SPATS2: variants seen among roughly 807,000 people sequenced by gnomAD.
SPATS2 encodes spermatogenesis-associated serine-rich protein 2.
Under a neutral mutation model 63.7 loss-of-function variants are expected in SPATS2, and 38 were observed. The observed-to-expected ratio is 0.60, with a 90% CI of 0.46 to 0.78. The LOEUF (loss-of-function observed/expected upper bound fraction) is 0.78. Among genes scored for constraint, SPATS2 ranks in the 30% least tolerant of loss-of-function variants. SPATS2 has a pLI of 0.00. For synonymous variants in SPATS2, 207 were observed against 232.9 expected, an observed-to-expected ratio of 0.89 and a Z score of 1.01; for missense variants, 588 against 666.2, an observed-to-expected ratio of 0.88 and a Z score of 1.29.
intron 2 of SPATS2, among the ~76,000 whole-genome samples, chr12:49,447,539 T>G (rs1592405620): frequency 1.3e-5 from 2 of 152,192 alleles, no homozygotes; most frequent in East Asian, 3.9e-4. Context: ...GCCCGGCCTG[T>G]TCTTCTATTT....
At position 49,464,446 on chromosome 12, in the gene SPATS2, C is replaced by T. The variant is rs145124018; in HGVS notation, c.25+3409C>T. On this transcript the variant is annotated intron_variant, in intron 3 of 13. Coordinates refer to ENST00000552918, the MANE Select transcript of SPATS2 (RefSeq NM_023071.4). ...ACTAGCCTAACCAACATGGAGAAAC[C>T]CTGTCTCTGCTTAAAAAAAAAAAAA... Among the ~76,000 whole-genome samples, 1,322 of 148,662 alleles carry T rather than the reference C, an allele frequency of 8.9e-3. 15 individuals are homozygous for T. The highest frequency in any genetic ancestry group is 0.045 in the Middle Eastern group (13 of 286).
At chr12:49,405,222 A>T (rs567693666) in intron 2 of SPATS2, among the ~76,000 whole-genome samples, 17 of 152,266 alleles carry the variant, frequency 1.1e-4, no homozygotes, top group African/African-American at 4.1e-4. Context: ...GATGCTTTAC[A>T]TATTTATATA....
In SPATS2 at chr12:49,526,185, C is replaced by A. The variant is rs113991011; in HGVS notation, c.1568C>A (p.Thr523Lys). The A allele has an allele frequency of 6.2e-7, 1 of 1,614,198 alleles. No individual in the cohort carries two copies. The change falls in exon 14 of 14, where the codon ACG (threonine) becomes AAG (lysine). Residue 523 changes from threonine to lysine, a missense_variant. Thr to Lys is a moderately conservative substitution (Grantham distance 78). Transcript: ENST00000552918. ...GTCAGCATGGAGCCCAGCCCTCCCA[C>A]GCCTTCATTCAAAAAGGGGCTCCCC... ...TGVSMEPSPP[T>K]PSFKKGLPQR...
At chr12:49,433,464 C>T (rs1330523331) in intron 2 of SPATS2, among the ~76,000 whole-genome samples, 1 of 152,198 alleles carries the variant, frequency 6.6e-6, no homozygotes, top group Admixed American at 6.5e-5. Context: ...CAACCTGACC[C>T]TGGTTTTGTT....
chr12:49,489,485 A>G lies in SPATS2; in HGVS notation c.126A>G (p.Ile42Met), dbSNP rs761480292. ...TCCAGATAAATGCGGTACGTGCAAT[A>G]GTTCCTAATAAGAGCAACAATGAAA... ...MKEKINAVRAIVPNKSNNEII... is the reference protein window; with the variant it reads ...MKEKINAVRAMVPNKSNNEII... The change falls in exon 5 of 14, where the codon ATA becomes ATG. Residue 42 changes from isoleucine (I) to methionine (M), a missense_variant. Transcript: ENST00000552918. 1.2e-6 allele frequency: 2 copies of G among 1,613,792 alleles called. No homozygotes were observed. Among genetic ancestry groups the G allele is most frequent in the Admixed American group, 3.3e-5 (2 of 60,012 alleles).
At chr12:49,388,179 C>T (rs958140356) in intron 2 of SPATS2, among the ~76,000 whole-genome samples, 5 of 151,828 alleles carry the variant, frequency 3.3e-5, no homozygotes, top group African/African-American at 1.2e-4. Context: ...TTTTTTAAAC[C>T]ATCTTTTAAA....
chr12:49,373,205 C>T (rs537636629), intron 2 of SPATS2, among the ~76,000 whole-genome samples: 1 of 152,226 alleles, frequency 6.6e-6, no homozygotes, highest in East Asian at 1.9e-4. Context: ...AATTCCCAAC[C>T]TCAGGTGATC....
rs148458672 is a variant in SPATS2, at chr12:49,490,641, G to T, written c.215-41G>T. ...ACTGACTCCTGCTTGACTACTGTGTGTGTGGTAGGAGACAAAATCTGTAAT... is the reference window on the plus strand; with the variant it reads ...ACTGACTCCTGCTTGACTACTGTGTTTGTGGTAGGAGACAAAATCTGTAAT... On this transcript the variant is annotated intron_variant, in intron 5 of 13. Transcript: ENST00000552918. 5,373 of 1,588,616 alleles carry T rather than the reference G, an allele frequency of 3.4e-3. 42 individuals carry two copies. Among genetic ancestry groups the T allele is most frequent in the Non-Finnish European group, 2.7e-3 (3,117 of 1,157,284 alleles).
chr12:49,498,145 A>AAAAAAAATATATATAT (rs66900382), intron 8 of SPATS2, among the ~76,000 whole-genome samples: 5 of 98,978 alleles, frequency 5.1e-5, no homozygotes, highest in African/African-American at 9.8e-5. Flanking sequence ...AAAAAAAAAA[A>AAAAAAAATATATATAT]ATATATATAT....
intron 2 of SPATS2, chr12:49,389,927 G>A (rs1427158148): frequency 2.7e-5 from 22 of 808,988 alleles, no homozygotes; most frequent in Non-Finnish European, 4.5e-5. Flanking sequence ...ACAGGCACAT[G>A]TTGACCAGAT....
intron 2 of SPATS2, among the ~76,000 whole-genome samples, chr12:49,396,425 G>C (rs1944513344): frequency 1.3e-5 from 2 of 152,294 alleles, no homozygotes; most frequent in South Asian, 4.1e-4. Context: ...TTGTTTCTCT[G>C]TCTGTGTATG....
intron 5 of SPATS2, 67 bp downstream of exon 5, chr12:49,489,640 T>C (rs1946351894): frequency 7.3e-7 from 1 of 1,360,706 alleles, no homozygotes. Context: ...CAGACTTTTA[T>C]AACATTCAGC....
At chr12:49,487,914 G>A (rs1333994400) in intron 4 of SPATS2, among the ~76,000 whole-genome samples, 10 of 152,112 alleles carry the variant, frequency 6.6e-5, no homozygotes, top group Non-Finnish European at 1.5e-4. Flanking sequence ...GTGTTATTGA[G>A]ACTGGCAAAA....
intron 3 of SPATS2, among the ~76,000 whole-genome samples, chr12:49,481,458 ATTTTTTT>A (rs1013711085): frequency 1.0e-5 from 1 of 97,814 alleles, no homozygotes; most frequent in Non-Finnish European, 1.9e-5. Flanking sequence ...AGGCTTCCTC[ATTTTTTT>A]TTTTTTTTTT....
chr12:49,410,629 G>A lies in SPATS2; in HGVS notation c.-244+39339G>A, dbSNP rs546823932. ...GCTAGTTACTGATAGACTGTAACTA[G>A]AGTGCAAGTTTCTTACATAAGAGAT... On this transcript the variant is annotated intron_variant, in intron 2 of 13. Transcript: ENST00000552918. 2.4e-3 allele frequency among the ~76,000 whole-genome samples: 371 copies of A among 152,232 alleles called. 1 individual carries two copies. The highest frequency in any genetic ancestry group is 8.5e-3 in the African/African-American group (353 of 41,546).
intron 2 of SPATS2, among the ~76,000 whole-genome samples, chr12:49,396,321 C>T (rs111415024): frequency 0.015 from 2,303 of 152,316 alleles, 58 homozygotes; most frequent in African/African-American, 0.052. Context: ...TACATTCCCA[C>T]CAACAGTGTA....
At chr12:49,391,556 A>G (rs1157601193) in intron 2 of SPATS2, among the ~76,000 whole-genome samples, 2 of 148,456 alleles carry the variant, frequency 1.3e-5, no homozygotes, top group Non-Finnish European at 3.0e-5. Flanking sequence ...TGTAGTATGT[A>G]TATTTTAAAA....
At chr12:49,391,380 C>T (rs1486823557) in intron 2 of SPATS2, among the ~76,000 whole-genome samples, 6 of 152,086 alleles carry the variant, frequency 3.9e-5, no homozygotes, top group East Asian at 3.9e-4. Flanking sequence ...GTCGTGGAGG[C>T]GTGTGCCTGT....
chr12:49,494,753 A>G lies in SPATS2; in HGVS notation c.277A>G (p.Lys93Glu). The change falls in exon 7 of 14, where the codon AAA (lysine) becomes GAA (glutamate). Residue 93 changes from lysine to glutamate, a missense_variant. Coordinates refer to ENST00000552918, the MANE Select transcript of SPATS2 (RefSeq NM_023071.4). ...TTAATAACTTTAGAACAAAAAGAAG[A>G]AAAACAAACCGAAACCTGCCGCAGA... ...VTGKKKNKKKKNKPKPAAEPS... is the reference protein window; with the variant it reads ...VTGKKKNKKKENKPKPAAEPS... The G allele has an allele frequency of 6.5e-7, 1 of 1,550,116 alleles. No homozygotes were observed. The highest frequency in any genetic ancestry group is 8.7e-7 in the Non-Finnish European group (1 of 1,151,866).
Sources: allele counts gnomAD v4.1 joint callset (sites outside exome capture counted in the v4.1 genomes callset), GRCh38; gene constraint gnomAD v4.1.1; transcripts MANE v1.5; gene names NCBI Gene and HGNC (gene_info 2026-07-23, HGNC 2026-07-21).